The following MYO9A variants were observed in gnomAD, a reference collection of about 807,000 sequenced individuals.
MYO9A encodes myosin IXA.
In MYO9A, 103 loss-of-function variants were observed where a neutral mutation model predicts 293.3. The observed-to-expected ratio is 0.35, with a 90% CI of 0.30 to 0.41. The LOEUF is 0.41. MYO9A is among the 10% of genes least tolerant of loss of function. The pLI is 1.00. For missense variants in MYO9A, 2,685 were observed against 3,033.0 expected (o/e 0.89, Z 2.69); for synonymous variants, 1,001 against 1,035.7 (o/e 0.97, Z 0.64).
At chr15:72,032,842 TTA>T (rs1319463169) in intron 2 of MYO9A, among the ~76,000 whole-genome samples, 1 of 152,098 alleles carries the variant, frequency 6.6e-6, no homozygotes, top group Admixed American at 6.6e-5. Flanking sequence ...TAATTTTATT[TTA>T]TGTTATTTAT....
At chr15:72,064,802 A>T (rs1214020569) in intron 1 of MYO9A, among the ~76,000 whole-genome samples, 1 of 152,236 alleles carries the variant, frequency 6.6e-6, no homozygotes, top group Non-Finnish European at 1.5e-5. Context: ...AATGATCTAC[A>T]GATTCAGCAC....
intron 36 of MYO9A, 94 bp downstream of exon 36, chr15:71,852,038 A>T: frequency 7.5e-7 from 1 of 1,332,896 alleles, no homozygotes; most frequent in Non-Finnish European, 1.0e-6. Context: ...TATAAGAATT[A>T]AACCACTAGA....
chr15:71,970,491 C>T (rs1237462224), intron 12 of MYO9A, among the ~76,000 whole-genome samples: 2 of 152,134 alleles, frequency 1.3e-5, no homozygotes, highest in Admixed American at 6.5e-5. Flanking sequence ...CAATGTAAGT[C>T]CCAAAATAGT....
intron 18 of MYO9A, among the ~76,000 whole-genome samples, chr15:71,921,395 G>A (rs1355703792): frequency 6.6e-6 from 1 of 152,156 alleles, no homozygotes; most frequent in African/African-American, 2.4e-5. Flanking sequence ...TGATGGAAAG[G>A]CTCCCTGTAA....
intron 13 of MYO9A, among the ~76,000 whole-genome samples, chr15:71,963,479 G>C (rs926204772): frequency 6.6e-6 from 1 of 150,890 alleles, no homozygotes; most frequent in African/African-American, 2.4e-5. Flanking sequence ...ACAGAGTTTC[G>C]CTCTTGTTGC....
In MYO9A at chr15:71,978,224, A is replaced by T; in HGVS notation, c.1791T>A (p.Asn597Lys). Reference sequence around the variant, plus strand: ...GTCCTGTTGGTTTTTTGCTAATAAGATTTATGCAGCAGGTATTATCAATGT... The same window carrying T: ...GTCCTGTTGGTTTTTTGCTAATAAGTTTTATGCAGCAGGTATTATCAATGT... ...IDYIDNTCCI[N>K]LISKKPTGLL... Residue 597 changes from asparagine to lysine, a missense_variant, in exon 12 of 42, where the codon AAT becomes AAA. Coordinates refer to ENST00000356056, the MANE Select transcript of MYO9A (RefSeq NM_006901.4). 6.2e-7 allele frequency: 1 copy of T among 1,613,114 alleles called. No individual in the cohort carries two copies. Among genetic ancestry groups the T allele is most frequent in the Non-Finnish European group, 8.5e-7 (1 of 1,179,348 alleles).
At chr15:72,056,232 A>C (rs2078714469) in intron 1 of MYO9A, among the ~76,000 whole-genome samples, 1 of 152,146 alleles carries the variant, frequency 6.6e-6, no homozygotes, top group Non-Finnish European at 1.5e-5. Context: ...AGTTGCCACT[A>C]CTGAGTACCT....
chr15:71,834,422 C>T (rs2054854765), intron 39 of MYO9A, among the ~76,000 whole-genome samples: 1 of 152,122 alleles, frequency 6.6e-6, no homozygotes, highest in Admixed American at 6.5e-5. Flanking sequence ...TATTCCCTAA[C>T]TTGTCTTTAG....
At chr15:72,104,156 G>A (rs187811978) in intron 1 of MYO9A, among the ~76,000 whole-genome samples, 2 of 152,302 alleles carry the variant, frequency 1.3e-5, no homozygotes, top group African/African-American at 2.4e-5. Context: ...ATGCTGGGCA[G>A]CAGCAGAAAG....
intron 1 of MYO9A, among the ~76,000 whole-genome samples, chr15:72,066,699 TGGTG>T (rs1002385064): frequency 6.6e-6 from 1 of 152,068 alleles, no homozygotes; most frequent in African/African-American, 2.4e-5. Context: ...TTAATATGGG[TGGTG>T]GATAACCGGT....
intron 28 of MYO9A, among the ~76,000 whole-genome samples, chr15:71,883,306 T>A (rs954875309): frequency 7.9e-5 from 12 of 152,230 alleles, no homozygotes; most frequent in Admixed American, 7.9e-4. Context: ...AATGAATGAA[T>A]AATGGCTACA....
intron 39 of MYO9A, among the ~76,000 whole-genome samples, chr15:71,830,973 CTTTTTTTTTTTTTTT>C (rs67440366): frequency 6.8e-5 from 7 of 103,090 alleles, no homozygotes; most frequent in South Asian, 3.2e-4. Context: ...CTGCTTCTTC[CTTTTTTTTTTTTTTT>C]TTTTTTTTTT....
At chr15:72,001,165 TG>T (rs2076853715) in intron 8 of MYO9A, among the ~76,000 whole-genome samples, 1 of 152,150 alleles carries the variant, frequency 6.6e-6, no homozygotes, top group Non-Finnish European at 1.5e-5. Context: ...GGGCATGAAG[TG>T]GTAAAACAAG....
rs139910540 is a variant in MYO9A, at chr15:71,885,420, C to G, written c.5256-1684G>C. ...TTTGATTTTTCATTTCCTCACTTTT[C>G]TATATACAATTCACCTCCACGTGTT... is the stretch of plus-strand genomic sequence containing the variant. On this transcript the variant is annotated intron_variant, in intron 27 of 41. Transcript: ENST00000356056. Among the ~76,000 whole-genome samples, 5 of 152,056 alleles carry G rather than the reference C, an allele frequency of 3.3e-5. No individual in the cohort carries two copies. In the East Asian group the frequency reaches 9.6e-4, roughly 29 times the overall value.
chr15:71,904,930 T>C lies in MYO9A; in HGVS notation c.2762A>G (p.Glu921Gly). ...TCATTTATAGGACATTTTTACCTTT[T>C]CAGCATTAGAGCGAATGCATTTTAC... Reference protein sequence around the residue: ...YFVKCIRSNAEKLPLRFSDVL... With the variant: ...YFVKCIRSNAGKLPLRFSDVL... Residue 921 changes from glutamate (E) to glycine (G), a missense_variant, in exon 20 of 42, where the codon GAA (glutamate) becomes GGA (glycine). Around this residue, in one of 10 missense-constraint regions of MYO9A, gnomAD observed 1,434 missense variants for 1,497.7 expected, o/e 0.96. Transcript: ENST00000356056. 1 of 1,599,304 alleles carries C rather than the reference T, an allele frequency of 6.3e-7. No homozygotes were observed. Among genetic ancestry groups the C allele is most frequent in the Non-Finnish European group, 8.5e-7 (1 of 1,169,814 alleles).
intron 1 of MYO9A, chr15:72,116,983 A>G (rs1253697267): frequency 6.6e-6 from 1 of 152,214 alleles, no homozygotes; most frequent in Non-Finnish European, 1.5e-5. Context: ...ACATTAGGCT[A>G]AGCAAATATT....
chr15:71,933,071 G>A (rs2058525287), intron 18 of MYO9A, among the ~76,000 whole-genome samples: 1 of 151,870 alleles, frequency 6.6e-6, no homozygotes, highest in Admixed American at 6.6e-5. Context: ...ACCAAATCCT[G>A]CCCACTATTT....
At chr15:72,056,628 T>C (rs921614410) in intron 1 of MYO9A, among the ~76,000 whole-genome samples, 2 of 152,194 alleles carry the variant, frequency 1.3e-5, no homozygotes, top group African/African-American at 2.4e-5. Flanking sequence ...AAATTGGGTA[T>C]AGTGTATACT....
At chr15:71,850,683 T>G (rs2055596436) in intron 37 of MYO9A, among the ~76,000 whole-genome samples, 1 of 143,496 alleles carries the variant, frequency 7.0e-6, no homozygotes, top group Non-Finnish European at 1.5e-5. Flanking sequence ...GGAGAATCAC[T>G]TGAACCGGGG....
Sources: allele counts gnomAD v4.1 joint callset (sites outside exome capture counted in the v4.1 genomes callset), GRCh38; gene constraint gnomAD v4.1.1; regional missense constraint gnomAD v4.1.1; transcripts MANE v1.5; gene names NCBI Gene and HGNC (gene_info 2026-07-23, HGNC 2026-07-21).